Variants in PRELID2 observed in about 807,000 individuals in gnomAD.
PRELID2 encodes the protein PRELI domain containing 2.
PRELID2 carries 25 observed loss-of-function variants against 28.4 expected under a neutral mutation model. The ratio of observed to expected loss-of-function variants is 0.88; its 90% CI spans 0.64 to 1.23. The LOEUF (loss-of-function observed/expected upper bound fraction) is 1.23, where lower values mean the gene tolerates loss of function less well. PRELID2 is among the 50% of genes most tolerant of loss of function. PRELID2 has a pLI of 0.00. For synonymous variants in PRELID2, 76 were observed against 71.6 expected, an observed-to-expected ratio of 1.06 and a Z score of -0.31; for missense variants, 201 against 214.4, an observed-to-expected ratio of 0.94 and a Z score of 0.39.
chr5:145,772,077 T>C (rs1269248952), intron 5 of PRELID2, among the ~76,000 whole-genome samples: 2 of 152,220 alleles, frequency 1.3e-5, no homozygotes, highest in Non-Finnish European at 2.9e-5. Flanking sequence ...TGCAGAACTT[T>C]ATCTAGAAAG....
the PRELID2 span, among the ~76,000 whole-genome samples, chr5:145,425,238 A>T: frequency 6.6e-6 from 1 of 152,214 alleles, no homozygotes; most frequent in Admixed American, 6.5e-5. Context: ...AACGGCTATT[A>T]CTAAAAAGTC....
chr5:145,376,298 G>A, the PRELID2 span, among the ~76,000 whole-genome samples: 1 of 152,124 alleles, frequency 6.6e-6, no homozygotes, highest in South Asian at 2.1e-4. Context: ...TAGTTTGCCA[G>A]TATTTCATTG....
intron 1 of PRELID2, among the ~76,000 whole-genome samples, chr5:145,608,370 T>C (rs1753539842): frequency 6.6e-6 from 1 of 152,206 alleles, no homozygotes; most frequent in Admixed American, 6.6e-5. Context: ...GTCTTTGTGA[T>C]GGCTGGTAAC....
At chr5:145,363,687 T>C in the PRELID2 span, among the ~76,000 whole-genome samples, 17 of 152,204 alleles carry the variant, frequency 1.1e-4, 1 homozygote, top group South Asian at 3.3e-3. Flanking sequence ...ATTAATTAGT[T>C]CTTTAGTTCA....
chr5:145,817,203 ATAAATAAATAAAAAAAAAT>A (rs1561643684), intron 4 of PRELID2, among the ~76,000 whole-genome samples: 28 of 79,976 alleles, frequency 3.5e-4, no homozygotes, highest in South Asian at 1.3e-3. Flanking sequence ...AAAAAAATAA[ATAAATAAATAAAAAAAAAT>A]ATATATATAT....
chr5:145,439,254 G>A, the PRELID2 span, among the ~76,000 whole-genome samples: 2 of 152,032 alleles, frequency 1.3e-5, no homozygotes, highest in African/African-American at 2.4e-5. Context: ...GGAGACTTCA[G>A]GTAACATTCT....
At chr5:145,686,113 A>T (rs562190896) in intron 1 of PRELID2, among the ~76,000 whole-genome samples, 1 of 152,160 alleles carries the variant, frequency 6.6e-6, no homozygotes, top group African/African-American at 2.4e-5. Context: ...TTACAGAGGA[A>T]ATTACACATG....
At chr5:145,398,421 T>C in the PRELID2 span, among the ~76,000 whole-genome samples, 7,069 of 152,176 alleles carry the variant, frequency 0.046, 283 homozygotes, top group South Asian at 0.17. Flanking sequence ...CATACCTTTC[T>C]GAAGGCCTCC....
intron 1 of PRELID2, among the ~76,000 whole-genome samples, chr5:145,503,507 C>A (rs1205710503): frequency 6.6e-6 from 1 of 151,224 alleles, no homozygotes; most frequent in Non-Finnish European, 1.5e-5. Context: ...ATTTTCTACG[C>A]ATTTCCTCCT....
chr5:145,279,128 T>C, the PRELID2 span, among the ~76,000 whole-genome samples: 9 of 152,166 alleles, frequency 5.9e-5, no homozygotes, highest in African/African-American at 1.7e-4. Context: ...TGTCAGTCTA[T>C]GCATTGTCGT....
intron 1 of PRELID2, among the ~76,000 whole-genome samples, chr5:145,474,588 A>G (rs1003133810): frequency 7.2e-5 from 11 of 152,172 alleles, no homozygotes; most frequent in Non-Finnish European, 1.5e-4. Flanking sequence ...GCCTGGTCCA[A>G]TTATCCTCCT....
At chr5:145,713,551 C>CT (rs1755759238) in intron 1 of PRELID2, among the ~76,000 whole-genome samples, 1 of 131,514 alleles carries the variant, frequency 7.6e-6, no homozygotes, top group Non-Finnish European at 1.6e-5. Context: ...TATATATATA[C>CT]TTTTTATATA....
rs140199730 is a variant in PRELID2 at position 145,710,584 on chromosome 5, C to A, written n.70+54347G>T. 2.7e-3 allele frequency among the ~76,000 whole-genome samples: 406 copies of A among 152,304 alleles called. 1 individual carries two copies. The highest frequency in any genetic ancestry group is 9.5e-3 in the African/African-American group (395 of 41,556). On this transcript the variant is annotated intron_variant and non_coding_transcript_variant, in intron 1 of 2. Transcript: ENST00000510259. Reference sequence around the variant, plus strand: ...AACTATGGCTAAAACAGAGAACGAACTATTCTCTCCCAAGAAAGAAGTCAG... The same window carrying A: ...AACTATGGCTAAAACAGAGAACGAAATATTCTCTCCCAAGAAAGAAGTCAG...
chr5:145,331,952 T>C, the PRELID2 span, among the ~76,000 whole-genome samples: 1 of 152,246 alleles, frequency 6.6e-6, no homozygotes, highest in Non-Finnish European at 1.5e-5. Context: ...AGAGCTATTA[T>C]AAGGCAGGCC....
intron 1 of PRELID2, among the ~76,000 whole-genome samples, chr5:145,509,139 T>C (rs865936526): frequency 1.3e-5 from 2 of 152,112 alleles, no homozygotes; most frequent in Non-Finnish European, 1.5e-5. Flanking sequence ...CACAGGAAAA[T>C]TGGCTGTGAA....
the PRELID2 span, among the ~76,000 whole-genome samples, chr5:145,238,620 AC>A: frequency 1.3e-5 from 2 of 152,050 alleles, no homozygotes; most frequent in Non-Finnish European, 1.5e-5. Context: ...CTTTTTTCAA[AC>A]CCTTTTCAAA....
chr5:145,751,714 G>T (rs1182992436), downstream of PRELID2, among the ~76,000 whole-genome samples: 1 of 152,202 alleles, frequency 6.6e-6, no homozygotes, highest in African/African-American at 2.4e-5. Flanking sequence ...AGGCACGGTG[G>T]CTCACGCCTG....
At chr5:145,642,604 G>A (rs1371156591) in intron 1 of PRELID2, among the ~76,000 whole-genome samples, 1 of 152,190 alleles carries the variant, frequency 6.6e-6, no homozygotes, top group Non-Finnish European at 1.5e-5. Context: ...CCTATGTCCT[G>A]AATGGTATTG....
At chr5:145,728,227 C>T (rs143187929) in intron 1 of PRELID2, 11 of 215,658 alleles carry the variant, frequency 5.1e-5, no homozygotes, top group Non-Finnish European at 3.7e-5. Flanking sequence ...GGGCACTGAC[C>T]TTATATTGTT....
Sources: gnomAD v4.1 joint callset for allele counts (sites outside exome capture counted in the v4.1 genomes callset) on GRCh38, gnomAD v4.1.1 for gene constraint, MANE v1.5 for transcripts, NCBI Gene and HGNC (gene_info 2026-07-23, HGNC 2026-07-21) for gene names.